The following BCL7C variants were observed in gnomAD, a reference collection of about 807,000 sequenced individuals.
The protein encoded by BCL7C is BAF chromatin remodeling complex subunit BCL7C.
Under a neutral mutation model 26.2 loss-of-function variants are expected in BCL7C, and 8 were observed. That is an observed-to-expected ratio of 0.30 (90% CI 0.18 to 0.55). BCL7C has a LOEUF of 0.55. BCL7C is among the 20% of genes least tolerant of loss of function. BCL7C has a pLI of 0.93. For missense variants in BCL7C, 262 were observed against 298.5 expected, an observed-to-expected ratio of 0.88 and a Z score of 0.90; for synonymous variants, 90 against 116.5, an observed-to-expected ratio of 0.77 and a Z score of 1.47.
chr16:30,885,890 T>C (rs1316939672), downstream of BCL7C, among the ~76,000 whole-genome samples: 1 of 152,184 alleles, frequency 6.6e-6, no homozygotes, highest in Non-Finnish European at 1.5e-5. Context: ...CTTGCTTTGT[T>C]GCCCAGATTT....
intron 5 of BCL7C, among the ~76,000 whole-genome samples, chr16:30,871,759 A>G (rs1358607029): frequency 6.6e-6 from 1 of 152,136 alleles, no homozygotes; most frequent in Non-Finnish European, 1.5e-5. Flanking sequence ...TGCTGGGATT[A>G]CAGGTGTGAG....
Position 30,834,391 on chromosome 16 carries a change from G to A in BCL7C, c.*557C>T, listed in dbSNP as rs1475078689. The A allele has an allele frequency of 2.0e-5, 3 of 152,326 alleles. No homozygotes were observed. Among genetic ancestry groups the A allele is most frequent in the Admixed American group, 6.5e-5 (1 of 15,290 alleles). 9.4% of individuals were successfully genotyped at this position (152,326 alleles called of 1,614,324 possible). Reference sequence around the variant, plus strand: ...GCATACATAAGCCCTGGCGTGCGGGGCGGCTTCTGCGCTGGGGTCTCTGCG... The same window carrying A: ...GCATACATAAGCCCTGGCGTGCGGGACGGCTTCTGCGCTGGGGTCTCTGCG... On this transcript the variant is annotated 3_prime_UTR_variant, in exon 6 of 6. Transcript: ENST00000380317. The surrounding 1 kb of genome is among the most constrained non-coding windows in gnomAD (Gnocchi z 4.3).
chr16:30,878,766 C>A (rs2054993872), intron 5 of BCL7C, among the ~76,000 whole-genome samples: 1 of 151,802 alleles, frequency 6.6e-6, no homozygotes, highest in Non-Finnish European at 1.5e-5. Context: ...TCACTTGAAC[C>A]CGGGAGGCAG....
chr16:30,893,033 C>A lies in BCL7C; in HGVS notation c.172-85G>T. The A allele has an allele frequency of 7.2e-7, 1 of 1,382,906 alleles. No homozygotes were observed. The highest frequency in any genetic ancestry group is 1.3e-5 in the South Asian group (1 of 79,056). 85.7% of individuals were successfully genotyped at this position (1,382,906 alleles called of 1,614,324 possible). On this transcript the variant is annotated intron_variant, in intron 2 of 5. Transcript: ENST00000215115. The surrounding 1 kb of genome is among the most constrained non-coding windows in gnomAD (Gnocchi z 5.2). ...ACTGAGGCACTGAGAAGCAAAAGGGCTCAAACTCAGGGGGTGTGGAGCAGA... is the reference window on the plus strand; with the variant it reads ...ACTGAGGCACTGAGAAGCAAAAGGGATCAAACTCAGGGGGTGTGGAGCAGA...
chr16:30,871,547 C>T (rs1484676388), intron 5 of BCL7C, among the ~76,000 whole-genome samples: 9 of 151,896 alleles, frequency 5.9e-5, no homozygotes, highest in East Asian at 3.9e-4. Context: ...TGCAGTGGTA[C>T]GATCTTGGCT....
intron 5 of BCL7C, among the ~76,000 whole-genome samples, chr16:30,850,025 C>T (rs1318993319): frequency 2.0e-5 from 3 of 151,530 alleles, no homozygotes; most frequent in African/African-American, 7.3e-5. Flanking sequence ...CTGGCTAACA[C>T]AGTGAAACCC....
chr16:30,861,073 T>C (rs2151372105), intron 5 of BCL7C, among the ~76,000 whole-genome samples: 1 of 152,106 alleles, frequency 6.6e-6, no homozygotes, highest in South Asian at 2.1e-4. Flanking sequence ...TTTTCTGACC[T>C]CTCCCAAATC....
downstream of BCL7C, among the ~76,000 whole-genome samples, chr16:30,885,745 T>C (rs1045195300): frequency 6.6e-6 from 1 of 152,154 alleles, no homozygotes; most frequent in Admixed American, 6.5e-5. Flanking sequence ...GGCAATTTGT[T>C]ACAGCAGTGA....
chr16:30,892,253 A>G (rs2055252632), intron 4 of BCL7C, among the ~76,000 whole-genome samples: 2 of 133,946 alleles, frequency 1.5e-5, no homozygotes, highest in South Asian at 5.4e-4. Flanking sequence ...CCTGGGTGAC[A>G]GAGCGAGACC....
At chr16:30,835,793 C>T (rs1332889953) in intron 5 of BCL7C, among the ~76,000 whole-genome samples, 1 of 151,830 alleles carries the variant, frequency 6.6e-6, no homozygotes, top group Admixed American at 6.6e-5. Context: ...TTGCAGTGAG[C>T]CGAGATCGCA....
intron 4 of BCL7C, among the ~76,000 whole-genome samples, chr16:30,891,891 G>T (rs576879344): frequency 6.6e-6 from 1 of 150,486 alleles, no homozygotes; most frequent in African/African-American, 2.4e-5. Flanking sequence ...TTGAGCCCAG[G>T]AGTTTGAGGC....
At chr16:30,851,897 C>A in intron 5 of BCL7C, 1 of 217,454 alleles carries the variant, frequency 4.6e-6, no homozygotes. Flanking sequence ...GTTGTTGTTG[C>A]ATAGAATAAG....
intron 4 of BCL7C, among the ~76,000 whole-genome samples, chr16:30,889,875 G>A (rs1360807683): frequency 2.0e-5 from 3 of 149,508 alleles, no homozygotes; most frequent in African/African-American, 2.5e-5. Flanking sequence ...GCAGTGAGCC[G>A]TGATCACGCC....
At chr16:30,855,511 G>T (rs1323358648) in intron 5 of BCL7C, among the ~76,000 whole-genome samples, 3 of 152,050 alleles carry the variant, frequency 2.0e-5, no homozygotes, top group Non-Finnish European at 4.4e-5. Context: ...CCAAAGTGCT[G>T]GGATTATAGG....
At chr16:30,877,924 C>T (rs887538921) in intron 5 of BCL7C, among the ~76,000 whole-genome samples, 1 of 151,506 alleles carries the variant, frequency 6.6e-6, no homozygotes, top group Admixed American at 6.6e-5. Flanking sequence ...CCTGTAATCT[C>T]AGCACTTTGG....
chr16:30,869,547 T>C (rs2054865109), intron 5 of BCL7C, among the ~76,000 whole-genome samples: 2 of 150,336 alleles, frequency 1.3e-5, no homozygotes, highest in African/African-American at 4.9e-5. Flanking sequence ...GGTCTCGCTC[T>C]GTTGCCCAGG....
chr16:30,833,905 T>C (rs1392164460), exon 6 of BCL7C: 1 of 152,216 alleles, frequency 6.6e-6, no homozygotes, highest in Non-Finnish European at 1.5e-5. Context: ...CAAGAAGTGG[T>C]ACTGCATTGC....
intron 5 of BCL7C, among the ~76,000 whole-genome samples, chr16:30,882,663 T>C (rs2055060488): frequency 1.3e-5 from 2 of 152,240 alleles, no homozygotes; most frequent in South Asian, 4.1e-4. Context: ...GGCTGTGGGC[T>C]CCATCCTGCA....
chr16:30,872,400 G>C (rs1478073056), intron 5 of BCL7C, among the ~76,000 whole-genome samples: 1 of 152,112 alleles, frequency 6.6e-6, no homozygotes, highest in Non-Finnish European at 1.5e-5. Flanking sequence ...GGACCCCTGT[G>C]GGCTTGGAAA....
Sources: allele counts gnomAD v4.1 joint callset (sites outside exome capture counted in the v4.1 genomes callset), GRCh38; gene constraint gnomAD v4.1.1; non-coding constraint Gnocchi (gnomAD v3.1); transcripts MANE v1.5; gene names NCBI Gene and HGNC (gene_info 2026-07-23, HGNC 2026-07-21).